WWP1: variants seen among roughly 807,000 people sequenced by gnomAD.
WWP1 encodes NEDD4-like E3 ubiquitin-protein ligase WWP1.
In WWP1, 49 loss-of-function variants were observed where a neutral mutation model predicts 130.6. That is an observed-to-expected ratio of 0.38 (90% CI 0.30 to 0.48). The LOEUF is 0.48. Among genes scored for constraint, WWP1 ranks in the 20% least tolerant of loss-of-function variants. The pLI, the probability that WWP1 is intolerant of heterozygous loss-of-function variation, is 0.99. For synonymous variants in WWP1, 332 were observed against 367.8 expected (o/e 0.90, Z 1.11); for missense variants, 809 against 1,100.6 (o/e 0.74, Z 3.75).
At chr8:86,410,514 A>T (rs964877965) in intron 8 of WWP1, among the ~76,000 whole-genome samples, 1 of 152,114 alleles carries the variant, frequency 6.6e-6, no homozygotes, top group East Asian at 1.9e-4. Context: ...TGAGTAAAAA[A>T]ATCATATGCA....
chr8:86,436,523 C>A (rs1439371580), intron 16 of WWP1, among the ~76,000 whole-genome samples: 2 of 152,036 alleles, frequency 1.3e-5, no homozygotes, highest in Non-Finnish European at 2.9e-5. Flanking sequence ...TTTTGTCTTC[C>A]TTACTAGAAT....
intron 17 of WWP1, chr8:86,440,490 C>G (rs535364108): frequency 1.7e-5 from 4 of 240,562 alleles, no homozygotes; most frequent in Non-Finnish European, 3.4e-5. Flanking sequence ...TTACTGTTTT[C>G]TAGCATTGAA....
At chr8:86,381,996 T>G (rs886178735) in intron 5 of WWP1, among the ~76,000 whole-genome samples, 11 of 152,118 alleles carry the variant, frequency 7.2e-5, no homozygotes, top group Non-Finnish European at 1.6e-4. Context: ...TTGTAACTCT[T>G]AAGTTTTCTT....
intron 1 of WWP1, among the ~76,000 whole-genome samples, chr8:86,365,923 A>C (rs1045652730): frequency 6.6e-6 from 1 of 152,250 alleles, no homozygotes; most frequent in Admixed American, 6.5e-5. Context: ...GAACCTGGGA[A>C]GAAAAGCCCA....
chr8:86,391,104 T>G (rs980294458), intron 5 of WWP1, among the ~76,000 whole-genome samples: 9 of 152,176 alleles, frequency 5.9e-5, no homozygotes, highest in African/African-American at 1.9e-4. Context: ...CCCCAGACTC[T>G]CCTAACATAA....
Position 86,448,522 on chromosome 8 carries a change from A to C in WWP1, c.2273+9A>C. 2 of 1,609,032 alleles carry C rather than the reference A, an allele frequency of 1.2e-6. No homozygotes were observed. The highest frequency in any genetic ancestry group is 1.7e-6 in the Non-Finnish European group (2 of 1,177,998). ...AAAGATGAATATATTGGGTAAGGTG[A>C]TATACCTTATTAAGCTTAATTTCTA... On this transcript the variant is annotated intron_variant, in intron 20 of 24. Coordinates refer to ENST00000517970, the MANE Select transcript of WWP1 (RefSeq NM_007013.4).
chr8:86,462,157 TAAAC>T (rs1287647513), intron 24 of WWP1, among the ~76,000 whole-genome samples: 4 of 152,116 alleles, frequency 2.6e-5, no homozygotes, highest in Admixed American at 6.6e-5. Context: ...GACAAACAGA[TAAAC>T]AAATAACTAT....
chr8:86,435,261 G>T (rs1404258031), intron 14 of WWP1, among the ~76,000 whole-genome samples, 191 bp from the exon 15 acceptor site: 4 of 152,128 alleles, frequency 2.6e-5, no homozygotes, highest in Admixed American at 6.5e-5. Context: ...TTGTGTATAT[G>T]TGTGTCCTGT....
Position 86,430,738 on chromosome 8 carries a change from G to T in WWP1, c.1374G>T (p.Leu458Phe). 1 of 1,564,568 alleles carries T rather than the reference G, an allele frequency of 6.4e-7. No individual in the cohort carries two copies. The highest frequency in any genetic ancestry group is 1.2e-5 in the South Asian group (1 of 86,220). The stretch of plus-strand genomic sequence containing the variant: ...CAGAAAATGACCCTTATGGACCTTT[G>T]CCACCAGGCTGGGGTAAGCTGTTTT... ...LAAENDPYGP[L>F]PPGWEKRVDS... Residue 458 changes from leucine to phenylalanine, a missense_variant, in exon 12 of 25, where the codon TTG becomes TTT. Coordinates refer to ENST00000517970, the MANE Select transcript of WWP1 (RefSeq NM_007013.4).
chr8:86,446,555 G>A (rs1810893162), intron 18 of WWP1, among the ~76,000 whole-genome samples: 1 of 152,014 alleles, frequency 6.6e-6, no homozygotes, highest in Non-Finnish European at 1.5e-5. Flanking sequence ...CTAATATCAA[G>A]AGGGCATTTC....
At chr8:86,442,518 A>C in intron 17 of WWP1, 101 bp from the exon 18 acceptor site, 1 of 1,129,746 alleles carries the variant, frequency 8.9e-7, no homozygotes, top group Non-Finnish European at 1.2e-6. Context: ...GTTCTTAAAG[A>C]CTGTTGAGCA....
intron 5 of WWP1, among the ~76,000 whole-genome samples, chr8:86,397,428 C>CCA (rs35305043): frequency 6.6e-6 from 1 of 151,880 alleles, no homozygotes; most frequent in Non-Finnish European, 1.5e-5. Flanking sequence ...ATTAACATAT[C>CCA]TCACCTCAAA....
At chr8:86,448,079 T>C in intron 18 of WWP1, 69 bp from the exon 19 acceptor site, 1 of 1,367,062 alleles carries the variant, frequency 7.3e-7, no homozygotes, top group Middle Eastern at 2.6e-4. Context: ...TGATTTTTCT[T>C]TTATCATTGT....
At chr8:86,452,264 C>G (rs201619828) in intron 20 of WWP1, among the ~76,000 whole-genome samples, 1 of 152,164 alleles carries the variant, frequency 6.6e-6, no homozygotes, top group African/African-American at 2.4e-5. Context: ...ATTTGGCTAT[C>G]TTACTAAATA....
intron 18 of WWP1, among the ~76,000 whole-genome samples, chr8:86,445,470 G>A (rs184286977): frequency 2.8e-3 from 424 of 152,244 alleles, no homozygotes; most frequent in African/African-American, 9.6e-3. Flanking sequence ...TGGGAAAATG[G>A]CCTCCATCTG....
intron 24 of WWP1, among the ~76,000 whole-genome samples, chr8:86,462,881 A>G (rs1455201228): frequency 2.0e-5 from 3 of 148,424 alleles, no homozygotes; most frequent in African/African-American, 4.9e-5. Flanking sequence ...GGTTTAAAGA[A>G]AAAAAAAAAA....
Position 86,467,544 on chromosome 8 carries a change from A to G in WWP1, c.*651A>G, listed in dbSNP as rs1812244474. On this transcript the variant is annotated 3_prime_UTR_variant, in exon 25 of 25. Coordinates refer to ENST00000517970, the MANE Select transcript of WWP1 (RefSeq NM_007013.4). ...GATAGAACCATAACTTACACATGAA[A>G]GTCATATACTAGATCCAATACTATT... 1 of 152,512 alleles carries G rather than the reference A, an allele frequency of 6.6e-6. No individual in the cohort carries two copies. Among genetic ancestry groups the G allele is most frequent in the Non-Finnish European group, 1.5e-5 (1 of 68,008 alleles). The allele number at this position is 152,512 out of a possible 1,614,324, so 9.4% of individuals were successfully genotyped here. A position where few individuals can be genotyped will look rare whatever the true frequency, so the allele number is the denominator to read the frequency against.
chr8:86,395,227 G>C (rs1007728482), intron 5 of WWP1, among the ~76,000 whole-genome samples: 3 of 152,300 alleles, frequency 2.0e-5, no homozygotes, highest in Admixed American at 1.3e-4. Context: ...ACCATAAGCA[G>C]AGGTTGTCCA....
chr8:86,385,471 G>A (rs1399091515), intron 5 of WWP1, among the ~76,000 whole-genome samples: 2 of 152,170 alleles, frequency 1.3e-5, no homozygotes, highest in African/African-American at 4.8e-5. Context: ...AAAACTTCCA[G>A]TATGATTTCT....
Sources: allele counts gnomAD v4.1 joint callset (sites outside exome capture counted in the v4.1 genomes callset), GRCh38; gene constraint gnomAD v4.1.1; transcripts MANE v1.5; gene names NCBI Gene and HGNC (gene_info 2026-07-23, HGNC 2026-07-21).